DOCK2: variants seen among roughly 807,000 people sequenced by gnomAD.
The protein encoded by DOCK2 is dedicator of cytokinesis 2.
In DOCK2, 87 loss-of-function variants were observed where a neutral mutation model predicts 248.9. That is an observed-to-expected ratio of 0.35 (90% CI 0.29 to 0.42). The LOEUF is 0.42. Ranked by LOEUF, DOCK2 falls within the 10% of genes least tolerant of loss-of-function variation. The probability of loss-of-function intolerance (pLI) is 1.00; values close to 1 mark genes in which losing one functional copy is unlikely to be tolerated. For missense variants in DOCK2, 1,747 were observed against 2,300.2 expected (o/e 0.76, Z 4.92); for synonymous variants, 805 against 821.6 (o/e 0.98, Z 0.35).
At chr5:169,714,326 A>G (rs755159647) in intron 18 of DOCK2, 34 bp from the exon 19 acceptor site, 4 of 1,613,890 alleles carry the variant, frequency 2.5e-6, no homozygotes, top group South Asian at 1.1e-5. Context: ...TTAGGCCAGT[A>G]ATGATACTTC....
chr5:169,681,587 A>G (rs1759670962), intron 6 of DOCK2, 157 bp from the exon 7 acceptor site: 1 of 828,472 alleles, frequency 1.2e-6, no homozygotes, highest in East Asian at 2.6e-5. Context: ...CTATACCAAT[A>G]TGTGCTCACT....
chr5:170,060,057 T>G lies in DOCK2; in HGVS notation c.4467+2391T>G, dbSNP rs1402242830. On this transcript the variant is annotated intron_variant, in intron 44 of 51. Transcript: ENST00000520908. ...ATATGAATTTGTATCTTGTTCTTGG[T>G]TATTTCCTCCATAAATTATCATGAC... is the stretch of plus-strand genomic sequence containing the variant. 2.6e-5 allele frequency among the ~76,000 whole-genome samples: 4 copies of G among 152,368 alleles called. 1 individual carries two copies. Among genetic ancestry groups the G allele is most frequent in the African/African-American group, 9.6e-5 (4 of 41,580 alleles).
chr5:170,012,276 A>G (rs1156660141), intron 32 of DOCK2, among the ~76,000 whole-genome samples: 1 of 147,714 alleles, frequency 6.8e-6, no homozygotes, highest in Admixed American at 6.7e-5. Flanking sequence ...GAAATGACCA[A>G]CGATCTACGT....
intron 33 of DOCK2, among the ~76,000 whole-genome samples, chr5:170,023,553 G>C (rs1755803463): frequency 6.6e-6 from 1 of 152,050 alleles, no homozygotes; most frequent in Non-Finnish European, 1.5e-5. Flanking sequence ...CTGTAAAGTG[G>C]GTATCCAACT....
At chr5:169,713,065 G>T (rs264841) in intron 17 of DOCK2, among the ~76,000 whole-genome samples, 8,320 of 152,258 alleles carry the variant, frequency 0.055, 722 homozygotes, top group African/African-American at 0.19. Flanking sequence ...GCCTCGTCAA[G>T]GCTTCATCTC....
At chr5:169,761,336 C>T (rs1398711529) in intron 24 of DOCK2, 183 bp from the exon 25 acceptor site, 1 of 587,230 alleles carries the variant, frequency 1.7e-6, no homozygotes, top group East Asian at 2.8e-5. Flanking sequence ...TCTTTTAATG[C>T]TACTAATATT....
At chr5:169,762,269 A>C (rs970550303) in intron 25 of DOCK2, among the ~76,000 whole-genome samples, 3 of 152,192 alleles carry the variant, frequency 2.0e-5, no homozygotes, top group African/African-American at 7.2e-5. Flanking sequence ...ATGTGGAATC[A>C]ATTACGTATA....
chr5:169,789,425 T>C (rs1265292232), intron 25 of DOCK2, among the ~76,000 whole-genome samples: 1 of 152,236 alleles, frequency 6.6e-6, no homozygotes, highest in Non-Finnish European at 1.5e-5. Context: ...TATGTTTCAT[T>C]GTACATATGT....
At chr5:169,942,829 T>C (rs568809123) in intron 27 of DOCK2, among the ~76,000 whole-genome samples, 5 of 152,366 alleles carry the variant, frequency 3.3e-5, no homozygotes, top group African/African-American at 1.2e-4. Context: ...AGGCTTGGTC[T>C]GAACTCTTCC....
intron 27 of DOCK2, among the ~76,000 whole-genome samples, chr5:169,885,574 C>A (rs1772926445): frequency 6.6e-6 from 1 of 152,198 alleles, no homozygotes; most frequent in African/African-American, 2.4e-5. Context: ...CTCTGAGGAA[C>A]AACTACCTCA....
intron 22 of DOCK2, among the ~76,000 whole-genome samples, chr5:169,740,827 T>C (rs190704900): frequency 6.6e-6 from 1 of 152,178 alleles, no homozygotes; most frequent in East Asian, 1.9e-4. Context: ...CCACTGTGTA[T>C]GTGTTTTGTT....
intron 25 of DOCK2, among the ~76,000 whole-genome samples, chr5:169,786,071 G>T (rs1176187231): frequency 6.6e-6 from 1 of 152,148 alleles, no homozygotes; most frequent in African/African-American, 2.4e-5. Flanking sequence ...GCATTTCCCA[G>T]TTCAGGGCTA....
At chr5:169,741,467 C>A (rs1422823727) in intron 22 of DOCK2, among the ~76,000 whole-genome samples, 1 of 152,146 alleles carries the variant, frequency 6.6e-6, no homozygotes, top group Admixed American at 6.5e-5. Flanking sequence ...GGAGAGAATA[C>A]ACATCACTCC....
chr5:169,759,826 CAG>C (rs1354302006), intron 24 of DOCK2, 51 bp downstream of exon 24: 9 of 1,607,890 alleles, frequency 5.6e-6, no homozygotes, highest in Non-Finnish European at 7.7e-6. Context: ...GCTAGGGATT[CAG>C]AGTGGGAGGA....
At chr5:169,737,677 G>A (rs560897528) in intron 22 of DOCK2, among the ~76,000 whole-genome samples, 1 of 152,232 alleles carries the variant, frequency 6.6e-6, no homozygotes, top group East Asian at 1.9e-4. Context: ...ACATAACAAA[G>A]CCTATATAAA....
intron 15 of DOCK2, among the ~76,000 whole-genome samples, chr5:169,709,399 T>C (rs1761452933): frequency 1.3e-5 from 2 of 152,142 alleles, no homozygotes; most frequent in South Asian, 4.1e-4. Flanking sequence ...TAAGTGGTGT[T>C]TTATTAAAAT....
chr5:169,678,075 G>A (rs188063759), intron 6 of DOCK2, among the ~76,000 whole-genome samples: 1 of 152,286 alleles, frequency 6.6e-6, no homozygotes, highest in African/African-American at 2.4e-5. Flanking sequence ...CTCATGCCTG[G>A]TTTGTTTTAA....
intron 2 of DOCK2, among the ~76,000 whole-genome samples, chr5:169,657,989 A>C (rs941636487): frequency 1.3e-5 from 2 of 152,332 alleles, no homozygotes; most frequent in East Asian, 3.9e-4. Flanking sequence ...TAACTCAATG[A>C]CATCACTTTC....
At chr5:169,729,551 T>C (rs1762656169) in intron 22 of DOCK2, among the ~76,000 whole-genome samples, 2 of 152,216 alleles carry the variant, frequency 1.3e-5, no homozygotes, top group South Asian at 2.1e-4. Flanking sequence ...CATTCATTTG[T>C]GTATTCAATA....
Sources: allele counts gnomAD v4.1 joint callset (sites outside exome capture counted in the v4.1 genomes callset), GRCh38; gene constraint gnomAD v4.1.1; transcripts MANE v1.5; gene names NCBI Gene and HGNC (gene_info 2026-07-23, HGNC 2026-07-21).